LRMDA: variants seen among roughly 807,000 people sequenced by gnomAD.
LRMDA encodes the protein leucine-rich melanocyte differentiation-associated protein.
Under a neutral mutation model 29.8 loss-of-function variants are expected in LRMDA, and 18 were observed. The observed-to-expected ratio is 0.60, with a 90% CI of 0.42 to 0.90. The LOEUF is 0.90. Among genes scored for constraint, LRMDA ranks in the 40% least tolerant of loss-of-function variants. The probability of loss-of-function intolerance (pLI) is 0.00; values close to 1 mark genes in which losing one functional copy is unlikely to be tolerated. For missense variants in LRMDA, 273 were observed against 273.9 expected (o/e 1.00, Z 0.02); for synonymous variants, 125 against 109.4 (o/e 1.14, Z -0.89).
At chr10:76,074,191 G>A (rs1190785523) in intron 5 of LRMDA, among the ~76,000 whole-genome samples, 1 of 152,174 alleles carries the variant, frequency 6.6e-6, no homozygotes, top group East Asian at 1.9e-4. Context: ...GTGTGATTTG[G>A]AAAGCAAATC....
chr10:75,583,197 C>T (rs1840615640), intron 2 of LRMDA, among the ~76,000 whole-genome samples: 1 of 152,172 alleles, frequency 6.6e-6, no homozygotes, highest in African/African-American at 2.4e-5. Flanking sequence ...TTTCAGGTAT[C>T]TTTATGGCAA....
At position 76,129,046 on chromosome 10, in the gene LRMDA, C is replaced by T. The variant is rs1017217841; in HGVS notation, c.516+70263C>T. 2.0e-5 allele frequency among the ~76,000 whole-genome samples: 3 copies of T among 152,184 alleles called. No homozygotes were observed. The East Asian group carries it at 5.8e-4, about 29-fold the overall frequency. ...ATTTTAAAATATTGGTGCTTCTCAG[C>T]ATCTCCCACTCCTCATGGTTCTCTC... is the stretch of plus-strand genomic sequence containing the variant. On this transcript the variant is annotated intron_variant, in intron 5 of 6. Transcript: ENST00000611255.
intron 6 of LRMDA, among the ~76,000 whole-genome samples, chr10:76,537,944 A>C (rs540098832): frequency 6.6e-6 from 1 of 152,356 alleles, no homozygotes; most frequent in South Asian, 2.1e-4. Context: ...GAAGGATAAT[A>C]GCAATAACAC....
intron 2 of LRMDA, among the ~76,000 whole-genome samples, chr10:75,459,689 T>G (rs1296635887): frequency 3.9e-5 from 6 of 152,222 alleles, no homozygotes; most frequent in Non-Finnish European, 8.8e-5. Context: ...CTAGACAGTA[T>G]ACCTGAGATT....
At chr10:75,497,210 GT>G (rs903078936) in intron 2 of LRMDA, among the ~76,000 whole-genome samples, 4 of 151,276 alleles carry the variant, frequency 2.6e-5, no homozygotes, top group Admixed American at 6.6e-5. Flanking sequence ...GAAAGATCCA[GT>G]TTTTTTTTAA....
At chr10:76,096,426 C>T (rs1039043772) in intron 5 of LRMDA, among the ~76,000 whole-genome samples, 1 of 151,868 alleles carries the variant, frequency 6.6e-6, no homozygotes, top group African/African-American at 2.4e-5. Context: ...ATTAATTGGC[C>T]ATGTACATTG....
At chr10:75,886,011 G>A (rs1239329989) in intron 2 of LRMDA, among the ~76,000 whole-genome samples, 4 of 152,202 alleles carry the variant, frequency 2.6e-5, no homozygotes, top group Non-Finnish European at 4.4e-5. Context: ...GGATTATTTG[G>A]TGAGAGAATA....
chr10:76,331,147 T>C (rs1840900131), intron 6 of LRMDA, among the ~76,000 whole-genome samples: 1 of 152,204 alleles, frequency 6.6e-6, no homozygotes, highest in Non-Finnish European at 1.5e-5. Flanking sequence ...GGCAGGCACC[T>C]GTAATCCTAG....
At chr10:76,386,159 A>T (rs1170839228) in intron 6 of LRMDA, among the ~76,000 whole-genome samples, 4 of 152,202 alleles carry the variant, frequency 2.6e-5, no homozygotes, top group African/African-American at 9.6e-5. Context: ...TTATGTGTTA[A>T]TCTCTCCTAA....
chr10:76,376,489 A>AT (rs1841519861), intron 6 of LRMDA, among the ~76,000 whole-genome samples: 1 of 152,170 alleles, frequency 6.6e-6, no homozygotes, highest in Non-Finnish European at 1.5e-5. Flanking sequence ...ACCTAGATTG[A>AT]TTTTATAACT....
chr10:76,246,666 G>A (rs1293257902), intron 5 of LRMDA, among the ~76,000 whole-genome samples: 1 of 152,114 alleles, frequency 6.6e-6, no homozygotes, highest in Non-Finnish European at 1.5e-5. Flanking sequence ...TTACGGCCCT[G>A]GATTAGTCCA....
intron 2 of LRMDA, among the ~76,000 whole-genome samples, chr10:75,836,392 G>T (rs1236695090): frequency 6.6e-6 from 1 of 152,204 alleles, no homozygotes; most frequent in Non-Finnish European, 1.5e-5. Context: ...TAAGCACTGA[G>T]TCTAGGAGGA....
chr10:76,386,222 C>G (rs1172447902), intron 6 of LRMDA, among the ~76,000 whole-genome samples: 1 of 152,050 alleles, frequency 6.6e-6, no homozygotes, highest in East Asian at 1.9e-4. Flanking sequence ...TTTTATATGT[C>G]CTTGGCTTTA....
At chr10:75,614,621 A>G (rs1485222991) in intron 2 of LRMDA, among the ~76,000 whole-genome samples, 1 of 151,906 alleles carries the variant, frequency 6.6e-6, no homozygotes, top group Non-Finnish European at 1.5e-5. Flanking sequence ...CCTAGAAGGG[A>G]TGGTGGAGAG....
chr10:75,502,820 G>T (rs1845128781), intron 2 of LRMDA, among the ~76,000 whole-genome samples: 1 of 152,146 alleles, frequency 6.6e-6, no homozygotes. Context: ...TCCATGTCAT[G>T]GAAGTTTTGC....
intron 5 of LRMDA, among the ~76,000 whole-genome samples, chr10:76,146,250 G>A (rs544163485): frequency 0.014 from 2,054 of 151,998 alleles, 24 homozygotes; most frequent in Middle Eastern, 0.034. Context: ...TATCCTTGTT[G>A]ACTTTCTGTC....
At chr10:76,457,877 C>CA (rs1205890445) in intron 6 of LRMDA, among the ~76,000 whole-genome samples, 7 of 152,064 alleles carry the variant, frequency 4.6e-5, no homozygotes, top group Non-Finnish European at 1.5e-5. Flanking sequence ...GTAGCTGCTG[C>CA]AAATGACAAG....
At chr10:76,102,471 T>A (rs1849409239) in intron 5 of LRMDA, among the ~76,000 whole-genome samples, 1 of 152,206 alleles carries the variant, frequency 6.6e-6, no homozygotes, top group Non-Finnish European at 1.5e-5. Context: ...CATTTATAAG[T>A]GAGAACCTGC....
intron 6 of LRMDA, among the ~76,000 whole-genome samples, chr10:76,356,174 AATGTC>A (rs1841237308): frequency 6.6e-6 from 1 of 152,238 alleles, no homozygotes; most frequent in Non-Finnish European, 1.5e-5. Context: ...GAAAGAAAAC[AATGTC>A]AGGATGATAG....
Sources: allele counts gnomAD v4.1 joint callset (sites outside exome capture counted in the v4.1 genomes callset), GRCh38; gene constraint gnomAD v4.1.1; transcripts MANE v1.5; gene names NCBI Gene and HGNC (gene_info 2026-07-23, HGNC 2026-07-21).